FAT3: variants seen among roughly 807,000 people sequenced by gnomAD.
The protein encoded by FAT3 is FAT atypical cadherin 3.
FAT3 carries 95 observed loss-of-function variants against 310.2 expected under a neutral mutation model. That is an observed-to-expected ratio of 0.31 (90% confidence interval 0.26 to 0.36). The LOEUF (loss-of-function observed/expected upper bound fraction) is 0.36, where lower values mean the gene tolerates loss of function less well. Among genes scored for constraint, FAT3 ranks in the 10% least tolerant of loss-of-function variants. The pLI is 1.00. For synonymous variants in FAT3, 2,314 were observed against 2,192.9 expected, an observed-to-expected ratio of 1.06 and a Z score of -1.54; for missense variants, 5,408 against 5,715.6, an observed-to-expected ratio of 0.95 and a Z score of 1.74.
chr11:92,574,744 G>T (rs1273192893), intron 3 of FAT3, among the ~76,000 whole-genome samples: 4 of 152,122 alleles, frequency 2.6e-5, no homozygotes, highest in Non-Finnish European at 2.9e-5. Context: ...TGTATTGATT[G>T]CTATTTTTAG....
At chr11:92,619,741 CT>C (rs1177996728) in intron 3 of FAT3, among the ~76,000 whole-genome samples, 1 of 151,522 alleles carries the variant, frequency 6.6e-6, no homozygotes, top group Non-Finnish European at 1.5e-5. Flanking sequence ...TTTGAGTCCC[CT>C]CTCTTCTTTT....
chr11:92,304,514 A>G (rs187498562), intron 1 of FAT3, among the ~76,000 whole-genome samples: 37 of 152,086 alleles, frequency 2.4e-4, no homozygotes, highest in Middle Eastern at 3.4e-3. Context: ...CTCTTGCTTG[A>G]GTTTATTGGC....
At chr11:92,581,178 G>C (rs908267461) in intron 3 of FAT3, among the ~76,000 whole-genome samples, 3 of 151,948 alleles carry the variant, frequency 2.0e-5, no homozygotes, top group Non-Finnish European at 1.5e-5. Context: ...GATCCTACTA[G>C]GGTTACAGAG....
At chr11:92,684,909 C>G (rs1396004669) in intron 3 of FAT3, among the ~76,000 whole-genome samples, 1 of 152,138 alleles carries the variant, frequency 6.6e-6, no homozygotes, top group Non-Finnish European at 1.5e-5. Context: ...TGATATATGC[C>G]TTTAGCACAT....
intron 10 of FAT3, 72 bp from the exon 11 acceptor site, chr11:92,805,081 C>A (rs1565612131): frequency 2.7e-6 from 4 of 1,492,060 alleles, no homozygotes; most frequent in Middle Eastern, 1.8e-4. Context: ...CCACATGCAC[C>A]TCTCAAGGTA....
intron 3 of FAT3, among the ~76,000 whole-genome samples, chr11:92,536,824 C>G (rs1032816889): frequency 2.0e-5 from 3 of 152,142 alleles, no homozygotes; most frequent in African/African-American, 4.8e-5. Flanking sequence ...GACCCTCTCT[C>G]AAACTCCTAG....
chr11:92,411,373 G>A (rs1189217024), intron 2 of FAT3, among the ~76,000 whole-genome samples: 3 of 151,960 alleles, frequency 2.0e-5, no homozygotes, highest in East Asian at 3.9e-4. Context: ...TAAGAGCAGT[G>A]TCGAGTGCCC....
chr11:92,628,750 G>A (rs1470507897), intron 3 of FAT3, among the ~76,000 whole-genome samples: 1 of 152,224 alleles, frequency 6.6e-6, no homozygotes, highest in Non-Finnish European at 1.5e-5. Context: ...GCCCCAGACA[G>A]GTTTGTAATA....
At chr11:92,479,097 G>A (rs1336825895) in intron 2 of FAT3, among the ~76,000 whole-genome samples, 1 of 150,796 alleles carries the variant, frequency 6.6e-6, no homozygotes, top group Non-Finnish European at 1.5e-5. Context: ...TGCCTCCCAG[G>A]CTCAAACAAT....
chr11:92,823,732 G>C (rs1208860798), intron 13 of FAT3, among the ~76,000 whole-genome samples: 1 of 152,168 alleles, frequency 6.6e-6, no homozygotes, highest in Non-Finnish European at 1.5e-5. Context: ...AGGGGCTACT[G>C]ACTGACCCCA....
intron 19 of FAT3, among the ~76,000 whole-genome samples, chr11:92,853,403 G>A (rs1948884881): frequency 6.6e-6 from 1 of 152,222 alleles, no homozygotes; most frequent in Non-Finnish European, 1.5e-5. Flanking sequence ...CAAAGAGAGT[G>A]TCACAGCCCT....
chr11:92,771,852 A>G (rs1330777707), intron 6 of FAT3, among the ~76,000 whole-genome samples: 1 of 152,078 alleles, frequency 6.6e-6, no homozygotes, highest in East Asian at 1.9e-4. Context: ...GCCATATGTA[A>G]ATGTTATACC....
intron 12 of FAT3, among the ~76,000 whole-genome samples, chr11:92,807,157 AAAG>A (rs1188810321): frequency 6.6e-6 from 1 of 152,130 alleles, no homozygotes; most frequent in Non-Finnish European, 1.5e-5. Context: ...TTTCTTTTGG[AAAG>A]AAGTTTTCTT....
chr11:92,441,757 TAGGTAAGA>T (rs1565319629), intron 2 of FAT3, among the ~76,000 whole-genome samples: 1 of 152,144 alleles, frequency 6.6e-6, no homozygotes, highest in Non-Finnish European at 1.5e-5. Context: ...TAAGTGGACC[TAGGTAAGA>T]ATTTCAAACG....
At chr11:92,529,303 G>A (rs1237419612) in intron 3 of FAT3, among the ~76,000 whole-genome samples, 2 of 152,164 alleles carry the variant, frequency 1.3e-5, no homozygotes, top group Admixed American at 6.5e-5. Context: ...GGACCTGAAG[G>A]GGGCCTGAAG....
At chr11:92,284,087 G>A (rs564645840) in intron 1 of FAT3, among the ~76,000 whole-genome samples, 51 of 152,018 alleles carry the variant, frequency 3.4e-4, no homozygotes, top group Admixed American at 6.6e-4. Context: ...CATAGGATAA[G>A]CCTCAATAAA....
rs558485124 is a variant in FAT3 at position 92,801,321 on chromosome 11, C to T, written c.8308C>T (p.Arg2770Cys). Reference protein sequence around the residue: ...QETGTIKLDKRLDRETSPAFH... With the variant: ...QETGTIKLDKCLDRETSPAFH... ...AACAGGCACTATTAAGCTTGACAAA[C>T]GCCTTGACCGTGAAACCAGCCCAGC... The change falls in exon 10 of 28, where the codon CGC becomes TGC. Residue 2770 changes from arginine to cysteine, a missense_variant. By Grantham distance (180) the Arg-to-Cys change is radical. Coordinates refer to ENST00000525166, the MANE Select transcript of FAT3 (RefSeq NM_001367949.2). The T allele has an allele frequency of 7.4e-6, 12 of 1,613,944 alleles. No homozygotes were observed. In the South Asian group the frequency reaches 9.9e-5, roughly 13 times the overall value.
At chr11:92,816,152 G>A (rs576443369) in intron 13 of FAT3, among the ~76,000 whole-genome samples, 2 of 152,334 alleles carry the variant, frequency 1.3e-5, no homozygotes, top group South Asian at 4.1e-4. Context: ...GATAGACAGA[G>A]GAGTGAGACA....
chr11:92,482,020 C>T (rs1952239361), intron 2 of FAT3, among the ~76,000 whole-genome samples: 1 of 151,982 alleles, frequency 6.6e-6, no homozygotes, highest in South Asian at 2.1e-4. Context: ...TAAAAAATAA[C>T]ATTTAACTTG....
Sources: allele counts gnomAD v4.1 joint callset (sites outside exome capture counted in the v4.1 genomes callset), GRCh38; gene constraint gnomAD v4.1.1; transcripts MANE v1.5; gene names NCBI Gene and HGNC (gene_info 2026-07-23, HGNC 2026-07-21).